CISD3: variants seen among roughly 807,000 people sequenced by gnomAD.
CISD3 encodes the protein CDGSH iron-sulfur domain-containing protein 3, mitochondrial.
In CISD3, 11 loss-of-function variants were observed where a neutral mutation model predicts 14.1. The ratio of observed to expected loss-of-function variants is 0.78; its 90% CI spans 0.49 to 1.29. The LOEUF is 1.29. Ranked by LOEUF, CISD3 falls within the 50% of genes most tolerant of loss-of-function variation. CISD3 has a pLI of 0.00. For missense variants in CISD3, 156 were observed against 171.6 expected, an observed-to-expected ratio of 0.91 and a Z score of 0.51; for synonymous variants, 53 against 69.2, an observed-to-expected ratio of 0.77 and a Z score of 1.16.
intron 2 of CISD3, 140 bp from the exon 3 acceptor site, chr17:38,731,180 G>A (rs1331680959): frequency 8.5e-7 from 1 of 1,182,132 alleles, no homozygotes. Context: ...GAACGGTCTT[G>A]TTGGGTGGCA....
Position 38,735,090 on chromosome 17 carries a change from T to C in CISD3, c.*1635T>C. 1.8e-6 allele frequency: 1 copy of C among 543,916 alleles called. No homozygotes were observed. The highest frequency in any genetic ancestry group is 3.0e-6 in the Non-Finnish European group (1 of 333,404). 33.7% of individuals were successfully genotyped at this position (543,916 alleles called of 1,614,324 possible). A position where few individuals can be genotyped will look rare whatever the true frequency, so the allele number is the denominator to read the frequency against. ...TTTCCTATGTACATATATATATATA[T>C]TTATTTATAAAACCCGCCCCCCACC... On this transcript the variant is annotated 3_prime_UTR_variant, in exon 4 of 4. Transcript: ENST00000613478.
intron 1 of CISD3, 144 bp from the exon 2 acceptor site, chr17:38,730,616 C>T (rs1906287699): frequency 7.8e-6 from 7 of 893,092 alleles, no homozygotes; most frequent in Non-Finnish European, 1.2e-5. Flanking sequence ...CTTTTTCTTA[C>T]CCTCTCATTC....
Position 38,731,169 on chromosome 17 carries a change from G to C in CISD3, c.85-151G>C, listed in dbSNP as rs1453368876. ...AGCTCACGGTCCTATGGTGTCCTGG[G>C]GAACGGTCTTGTTGGGTGGCATCAG... is the stretch of plus-strand genomic sequence containing the variant. On this transcript the variant is annotated intron_variant, in intron 2 of 3. Coordinates refer to ENST00000613478, the MANE Select transcript of CISD3 (RefSeq NM_001136498.2). The C allele has an allele frequency of 7.6e-6, 8 of 1,051,120 alleles. No homozygotes were observed. The South Asian group carries it at 1.1e-4, about 15-fold the overall frequency. 65.1% of individuals were successfully genotyped at this position (1,051,120 alleles called of 1,614,324 possible). A position where few individuals can be genotyped will look rare whatever the true frequency, so the allele number is the denominator to read the frequency against.
intron 1 of CISD3, 51 bp from the exon 2 acceptor site, chr17:38,730,709 C>T: frequency 6.5e-7 from 1 of 1,546,142 alleles, no homozygotes; most frequent in Non-Finnish European, 8.8e-7. Context: ...TTTATTTTTC[C>T]GTTTCCAAAC....
Position 38,733,420 on chromosome 17 carries a change from C to A in CISD3, c.349C>A (p.Arg117Ser). Reference sequence around the variant, plus strand: ...CTGCGATGGCACCCACAGGAGTGAGCGCGTGCAGAAGGCAGAAGTGGGCTC... The same window carrying A: ...CTGCGATGGCACCCACAGGAGTGAGAGCGTGCAGAAGGCAGAAGTGGGCTC... ...PYCDGTHRSERVQKAEVGSPL is the reference protein window; with the variant it reads ...PYCDGTHRSESVQKAEVGSPL Residue 117 changes from arginine to serine, a missense_variant, in exon 4 of 4, where the codon CGC (arginine) becomes AGC (serine). Coordinates refer to ENST00000613478, the MANE Select transcript of CISD3 (RefSeq NM_001136498.2). 6.5e-7 allele frequency: 1 copy of A among 1,548,362 alleles called. No individual in the cohort carries two copies. The highest frequency in any genetic ancestry group is 2.0e-5 in the Admixed American group (1 of 50,794).
At position 38,733,940 on chromosome 17, in the gene CISD3, T is replaced by A. The variant is rs967283559; in HGVS notation, c.*485T>A. On this transcript the variant is annotated 3_prime_UTR_variant, in exon 4 of 4. Transcript: ENST00000613478. ...ATTACAAAGCCAAGAGATACAGATG[T>A]CCCAGGGCAAAGGAGGGTACAGTCA... The A allele has an allele frequency of 1.5e-4, 24 of 155,588 alleles. No homozygotes were observed. The highest frequency in any genetic ancestry group is 2.6e-4 in the Non-Finnish European group (18 of 70,326). 9.6% of individuals were successfully genotyped at this position (155,588 alleles called of 1,614,324 possible). A position where few individuals can be genotyped will look rare whatever the true frequency, so the allele number is the denominator to read the frequency against.
At chr17:38,732,622 G>T (rs1045269134) in intron 3 of CISD3, among the ~76,000 whole-genome samples, 2 of 152,030 alleles carry the variant, frequency 1.3e-5, no homozygotes, top group African/African-American at 4.8e-5. Context: ...GGGCAACAGA[G>T]TGAGACCCTG....
chr17:38,733,745 G>C lies in CISD3; in HGVS notation c.*290G>C, dbSNP rs1906461238. ...GGCCCACGTGCTGCCTCCTGCTCCA[G>C]ATTTTAACCTCTCTGTGGGCTGGGG... On this transcript the variant is annotated 3_prime_UTR_variant, in exon 4 of 4. Transcript: ENST00000613478. 2.6e-6 allele frequency: 1 copy of C among 382,120 alleles called. No individual in the cohort carries two copies. The highest frequency in any genetic ancestry group is 4.7e-6 in the Non-Finnish European group (1 of 213,038). The allele number at this position is 382,120 out of a possible 1,614,324, so 23.7% of individuals were successfully genotyped here.
rs1438866201 is a variant in CISD3 at position 38,730,767 on chromosome 17, A to AC, written c.59dup (p.Arg21AlafsTer14). 1 of 1,551,346 alleles carries AC rather than the reference A, an allele frequency of 6.4e-7. No homozygotes were observed. The highest frequency in any genetic ancestry group is 2.4e-5 in the East Asian group (1 of 40,912). On this transcript the variant is annotated frameshift_variant, in exon 2 of 4. Transcript: ENST00000613478. LOFTEE classifies it high-confidence loss of function. ...TGCTTGCGTACCTTGCAGGACCTGA[A>AC]CCCGCGGCGGGACATCTCCTCCTGG...
intron 1 of CISD3, 83 bp downstream of exon 1, chr17:38,730,489 C>A (rs1906283584): frequency 3.5e-6 from 4 of 1,132,450 alleles, no homozygotes; most frequent in East Asian, 2.8e-5. Context: ...CCGGCCCGGC[C>A]GAGCATCCCG....
Position 38,735,534 on chromosome 17 carries a change from G to A in CISD3, c.*2079G>A, listed in dbSNP as rs772093442. 2 of 1,589,210 alleles carry A rather than the reference G, an allele frequency of 1.3e-6. No individual in the cohort carries two copies. Among genetic ancestry groups the A allele is most frequent in the Admixed American group, 3.5e-5 (2 of 56,548 alleles). On this transcript the variant is annotated 3_prime_UTR_variant, in exon 4 of 4. Coordinates refer to ENST00000613478, the MANE Select transcript of CISD3 (RefSeq NM_001136498.2). The stretch of plus-strand genomic sequence containing the variant: ...GTGTTGGTGCCCTCGGAGGGGGTGG[G>A]CACCGTGGCTAGGGTGAGCCGCTTG...
Position 38,731,449 on chromosome 17 carries a change from C to T in CISD3, c.204+10C>T, listed in dbSNP as rs950385621. On this transcript the variant is annotated intron_variant, in intron 3 of 3. Coordinates refer to ENST00000613478, the MANE Select transcript of CISD3 (RefSeq NM_001136498.2). Reference sequence around the variant, plus strand: ...CCGCAGCAAGAAGCAGGTGAGACCCCTGTCTGCCTTCCTACTGATACCTCT... The same window carrying T: ...CCGCAGCAAGAAGCAGGTGAGACCCTTGTCTGCCTTCCTACTGATACCTCT... 4.6e-6 allele frequency: 7 copies of T among 1,536,420 alleles called. No homozygotes were observed. The African/African-American group carries it at 9.6e-5, about 21-fold the overall frequency.
At chr17:38,730,475 A>C in intron 1 of CISD3, 69 bp downstream of exon 1, 2 of 1,138,312 alleles carry the variant, frequency 1.8e-6, no homozygotes, top group Non-Finnish European at 1.2e-6. Context: ...CCCCCACTCC[A>C]GCCCCGGCCC....
At chr17:38,731,906 G>T (rs1484306747) in intron 3 of CISD3, 1 of 173,884 alleles carries the variant, frequency 5.8e-6, no homozygotes, top group African/African-American at 2.4e-5. Flanking sequence ...CATTCAGGGT[G>T]GTATGGCCAT....
At position 38,735,161 on chromosome 17, in the gene CISD3, G is replaced by C; in HGVS notation, c.*1706G>C. ...GGAAAGTAGAAGAGGTGGAAAAAAG[G>C]GCCCAGAAAAAGTGGAAGGAGTGGA... On this transcript the variant is annotated 3_prime_UTR_variant, in exon 4 of 4. Transcript: ENST00000613478. 7.9e-7 allele frequency: 1 copy of C among 1,261,250 alleles called. No homozygotes were observed. Among genetic ancestry groups the C allele is most frequent in the Non-Finnish European group, 1.0e-6 (1 of 978,676 alleles). 78.1% of individuals were successfully genotyped at this position (1,261,250 alleles called of 1,614,324 possible).
intron 2 of CISD3, 183 bp from the exon 3 acceptor site, chr17:38,731,137 T>C: frequency 2.6e-6 from 2 of 778,152 alleles, no homozygotes; most frequent in East Asian, 2.7e-5. Context: ...GAAATCTCCC[T>C]GTCCAAAGCT....
chr17:38,734,954 CAA>C lies in CISD3; in HGVS notation c.*1506_*1507del. The C allele has an allele frequency of 3.3e-6, 1 of 298,946 alleles. No individual in the cohort carries two copies. Among genetic ancestry groups the C allele is most frequent in the Non-Finnish European group, 6.1e-6 (1 of 165,138 alleles). The allele number at this position is 298,946 out of a possible 1,614,324, so 18.5% of individuals were successfully genotyped here. On this transcript the variant is annotated 3_prime_UTR_variant, in exon 4 of 4. Coordinates refer to ENST00000613478, the MANE Select transcript of CISD3 (RefSeq NM_001136498.2). ...ACAGCAAATTACACAAGACCCCCCC[CAA>C]AAAAAATGAACACCATTTTCCACAC...
chr17:38,731,829 G>A (rs1033348970), intron 3 of CISD3: 1 of 223,970 alleles, frequency 4.5e-6, no homozygotes. Context: ...ATTTCCTGGC[G>A]GTCTTCCATC....
At chr17:38,732,938 G>GACAC (rs148830489) in intron 3 of CISD3, among the ~76,000 whole-genome samples, 13,426 of 116,520 alleles carry the variant, frequency 0.12, 800 homozygotes, top group African/African-American at 0.19. Flanking sequence ...GAGACTCAGA[G>GACAC]ACACACACAC....
Sources: allele counts gnomAD v4.1 joint callset (sites outside exome capture counted in the v4.1 genomes callset), GRCh38; gene constraint gnomAD v4.1.1; transcripts MANE v1.5; gene names NCBI Gene and HGNC (gene_info 2026-07-23, HGNC 2026-07-21).